The following IL13RA2 variants were observed in gnomAD, a reference collection of about 807,000 sequenced individuals.
IL13RA2 encodes the protein interleukin 13 receptor subunit alpha 2.
Under a neutral mutation model 34.1 loss-of-function variants are expected in IL13RA2, and 25 were observed. That is an observed-to-expected ratio of 0.73 (90% CI 0.53 to 1.03). IL13RA2 has a LOEUF of 1.03. Among genes scored for constraint, IL13RA2 ranks in the 50% least tolerant of loss-of-function variants. The pLI, the probability that IL13RA2 is intolerant of heterozygous loss-of-function variation, is 0.00. For missense variants in IL13RA2, 297 were observed against 280.9 expected, an observed-to-expected ratio of 1.06 and a Z score of -0.41; for synonymous variants, 106 against 100.4, an observed-to-expected ratio of 1.06 and a Z score of -0.33.
At chrX:115,009,377 C>T (rs1333890636) in intron 7 of IL13RA2, 144 bp downstream of exon 7, 2 of 435,552 alleles carry the variant, frequency 4.6e-6, no homozygotes, top group African/African-American at 4.9e-5. Context: ...TGTCCATTAG[C>T]TTATTTGGCT....
At chrX:115,007,662 CA>C (rs1556507933) in intron 8 of IL13RA2, among the ~76,000 whole-genome samples, 47 of 111,689 alleles carry the variant, frequency 4.2e-4, no homozygotes, top group African/African-American at 1.5e-3. Context: ...AAGTTCCTGC[CA>C]ATCTCTCAAA....
intron 5 of IL13RA2, among the ~76,000 whole-genome samples, chrX:115,012,455 T>C (rs2071709245): frequency 9.2e-6 from 1 of 108,432 alleles, no homozygotes; most frequent in Non-Finnish European, 1.9e-5. Flanking sequence ...CAATAAACAA[T>C]TACAGGCTAT....
At chrX:115,011,401 T>C (rs782603033) in intron 5 of IL13RA2, among the ~76,000 whole-genome samples, 2 of 112,126 alleles carry the variant, frequency 1.8e-5, no homozygotes, top group East Asian at 5.6e-4. Flanking sequence ...AATTTTCTCA[T>C]CTATTAAATG....
intron 6 of IL13RA2, among the ~76,000 whole-genome samples, chrX:115,010,227 C>T (rs1457990646): frequency 9.0e-6 from 1 of 110,976 alleles, no homozygotes; most frequent in African/African-American, 3.3e-5. Flanking sequence ...CTCTAGAACC[C>T]ATCACTCTCA....
At chrX:115,016,104 A>T (rs1556509938) in intron 2 of IL13RA2, among the ~76,000 whole-genome samples, 2 of 111,488 alleles carry the variant, frequency 1.8e-5, no homozygotes. Flanking sequence ...AGACAAATTC[A>T]TAGAGAGAGA....
At chrX:115,012,201 T>C (rs782554368) in intron 5 of IL13RA2, among the ~76,000 whole-genome samples, 1 of 112,274 alleles carries the variant, frequency 8.9e-6, no homozygotes, top group East Asian at 2.8e-4. Context: ...TAGTAATGCT[T>C]AGTCCTCTCT....
At chrX:115,013,916 T>A in intron 4 of IL13RA2, 27 bp from the exon 5 acceptor site, 2 of 988,374 alleles carry the variant, frequency 2.0e-6, no homozygotes, top group Non-Finnish European at 2.9e-6. Flanking sequence ...CTGTGAATGT[T>A]TGAAAGGCTT....
intron 5 of IL13RA2, among the ~76,000 whole-genome samples, chrX:115,012,777 C>CAAAAA (rs112232206): frequency 1.0e-5 from 1 of 95,823 alleles, no homozygotes; most frequent in African/African-American, 3.7e-5. Flanking sequence ...AACAAACAAA[C>CAAAAA]AAAAAAAAAA....
Position 115,004,013 on chromosome X carries a change from A to C in IL13RA2, c.*67T>G. The C allele has an allele frequency of 1.6e-6, 1 of 616,926 alleles. No homozygotes were observed. Among genetic ancestry groups the C allele is most frequent in the Non-Finnish European group, 2.7e-6 (1 of 369,427 alleles). The allele number at this position is 616,926 out of a possible 1,213,427, so 50.8% of individuals were successfully genotyped here. A position where few individuals can be genotyped will look rare whatever the true frequency, so the allele number is the denominator to read the frequency against. ...AGAAAAATTCAGTTTATTGAGACTCATATTGAACATTTGGCCATGACTGGA... is the reference window on the plus strand; with the variant it reads ...AGAAAAATTCAGTTTATTGAGACTCCTATTGAACATTTGGCCATGACTGGA... On this transcript the variant is annotated 3_prime_UTR_variant, in exon 10 of 10. Coordinates refer to ENST00000243213, the MANE Select transcript of IL13RA2 (RefSeq NM_000640.3).
intron 8 of IL13RA2, among the ~76,000 whole-genome samples, chrX:115,006,334 T>G (rs782537981): frequency 8.9e-6 from 1 of 111,907 alleles, no homozygotes; most frequent in African/African-American, 3.2e-5. Flanking sequence ...CCTAAAGAAC[T>G]GAGACCACAT....
chrX:115,015,583 A>G (rs1317406603), intron 3 of IL13RA2, 87 bp downstream of exon 3: 3 of 800,099 alleles, frequency 3.7e-6, no homozygotes, highest in Non-Finnish European at 5.7e-6. Context: ...CTATTGAGAT[A>G]TGGGAATTGG....
intron 5 of IL13RA2, among the ~76,000 whole-genome samples, chrX:115,011,220 G>A (rs2147586681): frequency 9.0e-6 from 1 of 111,454 alleles, no homozygotes; most frequent in East Asian, 2.8e-4. Flanking sequence ...ATTTTACTGG[G>A]GAAGTTATTT....
chrX:115,009,552 A>G lies in IL13RA2; in HGVS notation c.821T>C (p.Ile274Thr). The G allele has an allele frequency of 8.3e-7, 1 of 1,200,142 alleles. No individual in the cohort carries two copies. The highest frequency in any genetic ancestry group is 1.1e-6 in the Non-Finnish European group (1 of 885,181). ...PIPARCFDYE[I>T]EIREDDTTLV... ...GGTAGTATCATCTTCTCTGATCTCAATTTCATAATCAAAACACCTTGCTGG... is the reference window on the plus strand; with the variant it reads ...GGTAGTATCATCTTCTCTGATCTCAGTTTCATAATCAAAACACCTTGCTGG... The change falls in exon 7 of 10, where the codon ATT (isoleucine) becomes ACT (threonine). Residue 274 changes from isoleucine (I) to threonine (T), a missense_variant. Coordinates refer to ENST00000243213, the MANE Select transcript of IL13RA2 (RefSeq NM_000640.3).
chrX:115,008,517 T>C (rs2071693648), intron 7 of IL13RA2, among the ~76,000 whole-genome samples: 1 of 111,967 alleles, frequency 8.9e-6, no homozygotes, highest in African/African-American at 3.2e-5. Context: ...TATAGCTTTT[T>C]CTTTTTTCCT....
At chrX:115,015,216 T>C (rs1288365954) in intron 3 of IL13RA2, among the ~76,000 whole-genome samples, 2 of 111,517 alleles carry the variant, frequency 1.8e-5, no homozygotes, top group African/African-American at 3.3e-5. Context: ...ATTCAAAACA[T>C]TTTCATTGAG....
At chrX:115,005,106 A>T (rs187280322) in intron 9 of IL13RA2, 91 bp downstream of exon 9, 23 of 538,290 alleles carry the variant, frequency 4.3e-5, no homozygotes, top group Non-Finnish European at 7.2e-5. Context: ...AACAAGCAAA[A>T]TTATAAAATG....
At position 115,015,772 on chromosome X, in the gene IL13RA2, A is replaced by G; in HGVS notation, c.144T>C (p.Tyr48=). Residue 48 remains tyrosine (Y), a synonymous_variant, in exon 3 of 10, where the codon TAT becomes TAC. Transcript: ENST00000243213. ...GTGGGGGTTGCCATTGCAAATAGAG[A>G]TAACCTAAGTATCCGGGATCCACTA... ...FEIVDPGYLG[Y]LYLQWQPPLS... The G allele has an allele frequency of 8.4e-7, 1 of 1,188,388 alleles. No homozygotes were observed. Among genetic ancestry groups the G allele is most frequent in the Non-Finnish European group, 1.1e-6 (1 of 874,043 alleles).
intron 2 of IL13RA2, among the ~76,000 whole-genome samples, chrX:115,016,723 TATA>T (rs1361040932): frequency 2.8e-5 from 3 of 106,871 alleles, no homozygotes; most frequent in Non-Finnish European, 3.8e-5. Flanking sequence ...TATTAAATAA[TATA>T]ATATAATTGA....
intron 7 of IL13RA2, among the ~76,000 whole-genome samples, chrX:115,008,416 C>T (rs1556508162): frequency 8.9e-6 from 1 of 111,858 alleles, no homozygotes; most frequent in African/African-American, 3.2e-5. Context: ...ATTCTATGAA[C>T]TGGAAGATGC....
Sources: gnomAD v4.1 joint callset for allele counts (sites outside exome capture counted in the v4.1 genomes callset) on GRCh38, gnomAD v4.1.1 for gene constraint, MANE v1.5 for transcripts, NCBI Gene and HGNC (gene_info 2026-07-23, HGNC 2026-07-21) for gene names.